NMT1: variants seen among roughly 807,000 people sequenced by gnomAD.
The protein encoded by NMT1 is N-myristoyltransferase 1, also known as glycylpeptide N-tetradecanoyltransferase 1.
Under a neutral mutation model 63.4 loss-of-function variants are expected in NMT1, and 12 were observed. The ratio of observed to expected loss-of-function variants is 0.19; its 90% CI spans 0.12 to 0.31. NMT1 has a LOEUF of 0.31. Among genes scored for constraint, NMT1 ranks in the 10% least tolerant of loss-of-function variants. The probability of loss-of-function intolerance (pLI) is 1.00; values close to 1 mark genes in which losing one functional copy is unlikely to be tolerated. For missense variants in NMT1, 432 were observed against 634.6 expected (o/e 0.68, Z 3.43); for synonymous variants, 228 against 234.3 (o/e 0.97, Z 0.25).
intron 1 of NMT1, among the ~76,000 whole-genome samples, chr17:45,065,132 G>A (rs2053893403): frequency 6.6e-6 from 1 of 152,168 alleles, no homozygotes; most frequent in Non-Finnish European, 1.5e-5. Flanking sequence ...ACAGGATTGT[G>A]TCTTCGAAAT....
intron 1 of NMT1, among the ~76,000 whole-genome samples, chr17:45,079,018 T>C (rs969961438): frequency 6.6e-6 from 1 of 152,172 alleles, no homozygotes; most frequent in Non-Finnish European, 1.5e-5. Flanking sequence ...TACCTCTGTG[T>C]TTAGCTGATT....
chr17:45,084,634 CT>C (rs34746191), intron 2 of NMT1, among the ~76,000 whole-genome samples: 90 of 143,576 alleles, frequency 6.3e-4, no homozygotes, highest in Admixed American at 6.9e-4. Context: ...CGCCCGGCCA[CT>C]TTTTTTTTTT....
At chr17:45,090,772 C>G (rs1367813386) in intron 3 of NMT1, among the ~76,000 whole-genome samples, 1 of 152,146 alleles carries the variant, frequency 6.6e-6, no homozygotes, top group Non-Finnish European at 1.5e-5. Flanking sequence ...CTTCCAGATT[C>G]TTTTAAAGCA....
At chr17:45,065,769 A>G (rs906671698) in intron 1 of NMT1, among the ~76,000 whole-genome samples, 4 of 152,102 alleles carry the variant, frequency 2.6e-5, no homozygotes, top group African/African-American at 4.8e-5. Flanking sequence ...GTTCTCAAAA[A>G]TCATGTAAAA....
chr17:45,085,524 T>C (rs2054046197), intron 2 of NMT1, among the ~76,000 whole-genome samples: 1 of 152,220 alleles, frequency 6.6e-6, no homozygotes, highest in Admixed American at 6.5e-5. Context: ...GAATTATATT[T>C]GCCTCTTCTC....
At chr17:45,093,380 G>T (rs927730853) in intron 3 of NMT1, among the ~76,000 whole-genome samples, 5 of 152,252 alleles carry the variant, frequency 3.3e-5, no homozygotes, top group Non-Finnish European at 5.9e-5. Context: ...CAACCAGGAG[G>T]CAGGAAGCCA....
chr17:45,073,825 C>T (rs921695988), intron 1 of NMT1, among the ~76,000 whole-genome samples: 2 of 152,172 alleles, frequency 1.3e-5, no homozygotes, highest in Non-Finnish European at 2.9e-5. Flanking sequence ...CATCTCTGGG[C>T]CTTAGTTTCC....
rs896291743 is a variant in NMT1 at position 45,097,026 on chromosome 17, GAGGTGGTAGCACC to G, written c.597-97_597-85del. On this transcript the variant is annotated intron_variant, in intron 5 of 11. Transcript: ENST00000258960. ...GAGAATCCAGCTATTAACCCTCAGG[GAGGTGGTAGCACC>G]AGGTCCGAACCAAATTTGGCTGTGG... 99 of 795,854 alleles carry G rather than the reference GAGGTGGTAGCACC, an allele frequency of 1.2e-4. No homozygotes were observed. In the African/African-American group the frequency reaches 1.6e-3, roughly 13 times the overall value. 49.3% of individuals were successfully genotyped at this position (795,854 alleles called of 1,614,324 possible).
In NMT1 at chr17:45,096,370, CA is replaced by C. The variant is rs34642819; in HGVS notation, c.596+86del. On this transcript the variant is annotated intron_variant, in intron 5 of 11. Coordinates refer to ENST00000258960, the MANE Select transcript of NMT1 (RefSeq NM_021079.5). ...AGGGCACCAGAGTTTTCATCCCTGCCAGGGGCCAACCTTTGAATGGCAAATT... is the reference window on the plus strand; with the variant it reads ...AGGGCACCAGAGTTTTCATCCCTGCCGGGGCCAACCTTTGAATGGCAAATT... 1,468 of 1,064,032 alleles carry C rather than the reference CA, an allele frequency of 1.4e-3. 19 individuals are homozygous for C. In the African/African-American group the frequency reaches 0.02, roughly 15 times the overall value. The allele number at this position is 1,064,032 out of a possible 1,614,324, so 65.9% of individuals were successfully genotyped here.
intron 6 of NMT1, among the ~76,000 whole-genome samples, chr17:45,097,636 CG>C (rs1359339605): frequency 6.6e-6 from 1 of 152,136 alleles, no homozygotes; most frequent in Non-Finnish European, 1.5e-5. Context: ...GGAATATAGA[CG>C]TGAGCCATTG....
At chr17:45,093,026 ATGCTCCCACAGAG>A (rs2054099828) in intron 3 of NMT1, among the ~76,000 whole-genome samples, 1 of 152,160 alleles carries the variant, frequency 6.6e-6, no homozygotes, top group Non-Finnish European at 1.5e-5. Flanking sequence ...CACTCCCCAC[ATGCTCCCACAGAG>A]GAGGGGCCTA....
chr17:45,087,678 A>G (rs1167799707), intron 3 of NMT1, among the ~76,000 whole-genome samples: 4 of 152,142 alleles, frequency 2.6e-5, no homozygotes, highest in African/African-American at 9.7e-5. Context: ...AAGTATGTTG[A>G]AAAAAACATA....
At chr17:45,066,096 C>T (rs767117719) in intron 1 of NMT1, among the ~76,000 whole-genome samples, 13 of 152,056 alleles carry the variant, frequency 8.5e-5, no homozygotes, top group East Asian at 1.9e-4. Context: ...TTCTGTTGCC[C>T]GGGCTGGAGT....
At chr17:45,088,858 A>C (rs2054071054) in intron 3 of NMT1, among the ~76,000 whole-genome samples, 1 of 152,224 alleles carries the variant, frequency 6.6e-6, no homozygotes, top group Non-Finnish European at 1.5e-5. Flanking sequence ...GTAAATGTAG[A>C]AAGTGCTTCA....
chr17:45,088,507 C>T (rs1026050804), intron 3 of NMT1, among the ~76,000 whole-genome samples: 1 of 152,210 alleles, frequency 6.6e-6, no homozygotes, highest in African/African-American at 2.4e-5. Context: ...GTAATCCCAG[C>T]ACTTTGGGAG....
intron 8 of NMT1, among the ~76,000 whole-genome samples, chr17:45,101,617 C>CAAAAA (rs748973404): frequency 5.6e-5 from 3 of 53,320 alleles, no homozygotes; most frequent in African/African-American, 9.4e-5. Context: ...GACTCCGTCG[C>CAAAAA]AAAAAAAAAA....
chr17:45,092,702 T>C (rs1392342062), intron 3 of NMT1, among the ~76,000 whole-genome samples: 1 of 87,256 alleles, frequency 1.1e-5, no homozygotes, highest in Non-Finnish European at 2.2e-5. Context: ...AGAATGAGAC[T>C]GTCTCAAAAA....
Position 45,106,377 on chromosome 17 carries a change from CCTTT to C in NMT1, c.*742_*745del, listed in dbSNP as rs2054202701. 6.5e-6 allele frequency: 1 copy of C among 152,692 alleles called. No homozygotes were observed. Among genetic ancestry groups the C allele is most frequent in the Non-Finnish European group, 1.5e-5 (1 of 68,056 alleles). The allele number at this position is 152,692 out of a possible 1,614,324, so 9.5% of individuals were successfully genotyped here. A position where few individuals can be genotyped will look rare whatever the true frequency, so the allele number is the denominator to read the frequency against. On this transcript the variant is annotated 3_prime_UTR_variant, in exon 12 of 12. Transcript: ENST00000258960. ...CAGAAGCAGACCTCATTGATTGAGT[CCTTT>C]CTTCCATCCCCTTGGCCTGCTCCCT...
At position 45,093,741 on chromosome 17, in the gene NMT1, G is replaced by A. The variant is rs1305018160; in HGVS notation, c.442G>A (p.Glu148Lys). The A allele has an allele frequency of 5.0e-6, 8 of 1,614,150 alleles. No individual in the cohort carries two copies. In the Admixed American group the frequency reaches 1.3e-4, roughly 27 times the overall value. Reference protein sequence around the residue: ...VEPDKDNIRQEPYTLPQGFTW... With the variant: ...VEPDKDNIRQKPYTLPQGFTW... ...GCCTGACAAGGACAATATCCGCCAG[G>A]AGCCCTACACCCTGCCCCAGGGCTT... Residue 148 changes from glutamate to lysine, a missense_variant, in exon 4 of 12, where the codon GAG becomes AAG. Coordinates refer to ENST00000258960, the MANE Select transcript of NMT1 (RefSeq NM_021079.5).
Sources: gnomAD v4.1 joint callset for allele counts (sites outside exome capture counted in the v4.1 genomes callset) on GRCh38, gnomAD v4.1.1 for gene constraint, MANE v1.5 for transcripts, NCBI Gene and HGNC (gene_info 2026-07-23, HGNC 2026-07-21) for gene names.